SNTG1: variants seen among roughly 807,000 people sequenced by gnomAD.
The protein encoded by SNTG1 is syntrophin gamma 1.
SNTG1 carries 39 observed loss-of-function variants against 74.7 expected under a neutral mutation model. The observed-to-expected ratio is 0.52, with a 90% CI of 0.40 to 0.68. The LOEUF (loss-of-function observed/expected upper bound fraction) is 0.68. Ranked by LOEUF, SNTG1 falls within the 30% of genes least tolerant of loss-of-function variation. The probability of loss-of-function intolerance (pLI) is 0.00; values close to 1 mark genes in which losing one functional copy is unlikely to be tolerated. For synonymous variants in SNTG1, 254 were observed against 217.1 expected (o/e 1.17, Z -1.49); for missense variants, 685 against 609.5 (o/e 1.12, Z -1.30).
At chr8:50,773,836 T>C (rs965139938) in intron 18 of SNTG1, among the ~76,000 whole-genome samples, 2 of 152,144 alleles carry the variant, frequency 1.3e-5, no homozygotes, top group Non-Finnish European at 2.9e-5. Flanking sequence ...ATATATTAAC[T>C]GGTCTAAATG....
chr8:50,091,863 C>T (rs1027934226), intron 1 of SNTG1, among the ~76,000 whole-genome samples: 7 of 151,884 alleles, frequency 4.6e-5, no homozygotes, highest in Admixed American at 4.6e-4. Flanking sequence ...AGAAGTCCCA[C>T]ATAATTTTAA....
At chr8:50,605,340 C>A (rs572139475) in intron 13 of SNTG1, among the ~76,000 whole-genome samples, 1 of 152,102 alleles carries the variant, frequency 6.6e-6, no homozygotes, top group African/African-American at 2.4e-5. Flanking sequence ...GTCCTTGTGG[C>A]TTAGACTGCC....
At chr8:50,148,319 A>T (rs1037043386) in intron 1 of SNTG1, among the ~76,000 whole-genome samples, 5 of 152,180 alleles carry the variant, frequency 3.3e-5, no homozygotes, top group African/African-American at 9.6e-5. Context: ...GCTTAATATC[A>T]CTACTTTTGA....
At chr8:49,993,277 T>G (rs2130342223) in intron 1 of SNTG1, among the ~76,000 whole-genome samples, 1 of 152,228 alleles carries the variant, frequency 6.6e-6, no homozygotes, top group South Asian at 2.1e-4. Flanking sequence ...TCTCTAAGTA[T>G]GATTCTTTGA....
At chr8:50,775,161 G>T (rs186542551) in intron 18 of SNTG1, among the ~76,000 whole-genome samples, 1 of 151,012 alleles carries the variant, frequency 6.6e-6, no homozygotes, top group Non-Finnish European at 1.5e-5. Context: ...TAAATATTTC[G>T]ACCAAAGGCA....
intron 2 of SNTG1, among the ~76,000 whole-genome samples, chr8:50,206,971 T>C (rs2084273763): frequency 6.6e-6 from 1 of 152,212 alleles, no homozygotes; most frequent in Non-Finnish European, 1.5e-5. Flanking sequence ...GGTTTGCCAG[T>C]ATTTTATTGA....
intron 1 of SNTG1, among the ~76,000 whole-genome samples, chr8:50,083,564 T>C (rs117486006): frequency 2.0e-5 from 3 of 152,358 alleles, no homozygotes; most frequent in Non-Finnish European, 4.4e-5. Context: ...GTTTTTAAGC[T>C]TGTGAATTTT....
In SNTG1 at chr8:50,792,657, T is replaced by C. The variant is rs773203169; in HGVS notation, c.1396-14T>C. The C allele has an allele frequency of 6.2e-7, 1 of 1,600,878 alleles. No homozygotes were observed. Among genetic ancestry groups the C allele is most frequent in the Non-Finnish European group, 8.5e-7 (1 of 1,173,776 alleles). On this transcript the variant is annotated splice_polypyrimidine_tract_variant and intron_variant, in intron 18 of 18. Transcript: ENST00000642720. Reference sequence around the variant, plus strand: ...ATTTTTATGTTATCTGACCTGTTTCTCTTTCCCTTTCAGGAGTTGGAATTT... The same window carrying C: ...ATTTTTATGTTATCTGACCTGTTTCCCTTTCCCTTTCAGGAGTTGGAATTT...
chr8:50,656,181 T>C (rs941213767), intron 13 of SNTG1, among the ~76,000 whole-genome samples: 3 of 152,122 alleles, frequency 2.0e-5, no homozygotes, highest in Admixed American at 6.6e-5. Flanking sequence ...GCCACATGAA[T>C]ATGTTGTTAG....
intron 15 of SNTG1, among the ~76,000 whole-genome samples, chr8:50,680,229 A>T (rs2095325611): frequency 1.3e-5 from 2 of 152,204 alleles, no homozygotes; most frequent in East Asian, 3.9e-4. Flanking sequence ...AGTGTATGTG[A>T]CAGGCAATTT....
At chr8:49,970,171 T>G (rs1444932824) in intron 1 of SNTG1, among the ~76,000 whole-genome samples, 1 of 152,116 alleles carries the variant, frequency 6.6e-6, no homozygotes, top group East Asian at 1.9e-4. Context: ...AATATCTCTG[T>G]ATCTCACCAT....
intron 15 of SNTG1, among the ~76,000 whole-genome samples, chr8:50,667,919 T>C (rs2095258476): frequency 6.6e-6 from 1 of 152,068 alleles, no homozygotes; most frequent in African/African-American, 2.4e-5. Flanking sequence ...TTTTAGTTTT[T>C]CCTCTGATAA....
chr8:50,288,697 GA>G (rs970725189), intron 2 of SNTG1, among the ~76,000 whole-genome samples: 22 of 150,082 alleles, frequency 1.5e-4, no homozygotes, highest in Admixed American at 4.6e-4. Context: ...AGGTCATCTG[GA>G]AAAAAAAAGG....
At chr8:50,156,086 T>C (rs1254681900) in intron 1 of SNTG1, among the ~76,000 whole-genome samples, 1 of 152,118 alleles carries the variant, frequency 6.6e-6, no homozygotes, top group Non-Finnish European at 1.5e-5. Flanking sequence ...GAAATCTGAA[T>C]AGCCTTATTT....
At chr8:50,406,444 T>G (rs2092876990) in intron 4 of SNTG1, among the ~76,000 whole-genome samples, 1 of 152,192 alleles carries the variant, frequency 6.6e-6, no homozygotes, top group Admixed American at 6.6e-5. Flanking sequence ...GCGGAATGTT[T>G]ATGGTTTTCT....
intron 16 of SNTG1, among the ~76,000 whole-genome samples, chr8:50,707,496 G>A (rs1445308967): frequency 6.6e-6 from 1 of 151,894 alleles, no homozygotes; most frequent in Admixed American, 6.6e-5. Flanking sequence ...GAATAATTTT[G>A]CATTATTATA....
chr8:50,377,575 G>C (rs140972722), intron 2 of SNTG1, among the ~76,000 whole-genome samples: 1 of 152,018 alleles, frequency 6.6e-6, no homozygotes, highest in Non-Finnish European at 1.5e-5. Context: ...TGGTTGAAAA[G>C]ACTTTTTTTA....
intron 8 of SNTG1, among the ~76,000 whole-genome samples, chr8:50,483,946 G>A (rs541350242): frequency 1.3e-4 from 20 of 152,114 alleles, no homozygotes; most frequent in African/African-American, 4.8e-4. Context: ...CATTTATATA[G>A]CTATGGTTTT....
intron 1 of SNTG1, chr8:50,164,154 A>T (rs905273189): frequency 1.4e-5 from 2 of 144,158 alleles, no homozygotes; most frequent in African/African-American, 2.7e-5. Flanking sequence ...ATATGCTTAA[A>T]CTATGGTCAG....
Sources: gnomAD v4.1 joint callset for allele counts (sites outside exome capture counted in the v4.1 genomes callset) on GRCh38, gnomAD v4.1.1 for gene constraint, MANE v1.5 for transcripts, NCBI Gene and HGNC (gene_info 2026-07-23, HGNC 2026-07-21) for gene names.